The following GRIP1 variants were observed in gnomAD, a reference collection of about 807,000 sequenced individuals.
GRIP1 encodes glutamate receptor interacting protein 1.
GRIP1 carries 45 observed loss-of-function variants against 129.9 expected under a neutral mutation model. The ratio of observed to expected loss-of-function variants is 0.35; its 90% CI spans 0.27 to 0.44. The LOEUF is 0.44. Ranked by LOEUF, GRIP1 falls within the 20% of genes least tolerant of loss-of-function variation. The probability of loss-of-function intolerance (pLI) is 1.00; values close to 1 mark genes in which losing one functional copy is unlikely to be tolerated. For missense variants in GRIP1, 1,196 were observed against 1,396.8 expected (o/e 0.86, Z 2.29); for synonymous variants, 530 against 520.8 (o/e 1.02, Z -0.24).
At position 66,490,936 on chromosome 12, in the gene GRIP1, C is replaced by T. The variant is rs60436125; in HGVS notation, c.724+24683G>A. Among the ~76,000 whole-genome samples, 1,135 of 152,126 alleles carry T rather than the reference C, an allele frequency of 7.5e-3. 18 individuals are homozygous for T. Among genetic ancestry groups the T allele is most frequent in the African/African-American group, 0.026 (1,093 of 41,496 alleles). On this transcript the variant is annotated intron_variant, in intron 7 of 24. Coordinates refer to ENST00000359742, the MANE Select transcript of GRIP1 (RefSeq NM_001366722.1). Reference sequence around the variant, plus strand: ...TACCATCTCACACCAGTCAGAATGGCGATTATTAAAAAGTCAAGAAACAAC... The same window carrying T: ...TACCATCTCACACCAGTCAGAATGGTGATTATTAAAAAGTCAAGAAACAAC...
intron 1 of GRIP1, among the ~76,000 whole-genome samples, chr12:66,977,235 C>CT (rs574630760): frequency 2.7e-5 from 4 of 147,036 alleles, no homozygotes; most frequent in Non-Finnish European, 4.5e-5. Context: ...TTCTGCATTT[C>CT]TTTTTTTTCT....
chr12:66,903,059 ATAAC>A (rs1468437881), intron 1 of GRIP1, among the ~76,000 whole-genome samples: 2 of 152,190 alleles, frequency 1.3e-5, no homozygotes, highest in Non-Finnish European at 2.9e-5. Context: ...ATAGAATTAA[ATAAC>A]TAGTCAAATT....
chr12:67,024,759 A>G (rs2042916768), intron 1 of GRIP1, among the ~76,000 whole-genome samples: 1 of 150,682 alleles, frequency 6.6e-6, no homozygotes, highest in Admixed American at 6.7e-5. Context: ...ATTTTATTTA[A>G]TTCCTGGTAC....
At chr12:66,601,779 T>C (rs1296782538) in intron 1 of GRIP1, among the ~76,000 whole-genome samples, 2 of 152,204 alleles carry the variant, frequency 1.3e-5, no homozygotes, top group Non-Finnish European at 2.9e-5. Context: ...AAGAAAAGTC[T>C]GGTTTCCATT....
At chr12:66,715,452 A>ATGTGTG (rs36142878) in intron 1 of GRIP1, among the ~76,000 whole-genome samples, 11,261 of 71,706 alleles carry the variant, frequency 0.16, 1,097 homozygotes, top group Middle Eastern at 0.17. Flanking sequence ...TTGTAGCTTG[A>ATGTGTG]TGTGTGTGTG....
chr12:66,906,235 G>A (rs1233951817), intron 1 of GRIP1, among the ~76,000 whole-genome samples: 1 of 151,846 alleles, frequency 6.6e-6, no homozygotes, highest in South Asian at 2.1e-4. Flanking sequence ...ACCAGCCTGG[G>A]CAACATAGCA....
intron 1 of GRIP1, among the ~76,000 whole-genome samples, chr12:66,813,484 A>G (rs552036084): frequency 2.0e-5 from 3 of 152,334 alleles, no homozygotes; most frequent in East Asian, 3.9e-4. Context: ...ATACATCATC[A>G]AAGTAATTTC....
At chr12:66,883,030 T>A (rs780421504) in intron 1 of GRIP1, among the ~76,000 whole-genome samples, 1 of 152,098 alleles carries the variant, frequency 6.6e-6, no homozygotes, top group Non-Finnish European at 1.5e-5. Flanking sequence ...CCCCTCACAT[T>A]ACATCCATCT....
intron 13 of GRIP1, among the ~76,000 whole-genome samples, chr12:66,433,542 G>A (rs968329778): frequency 6.6e-6 from 1 of 152,304 alleles, no homozygotes; most frequent in South Asian, 2.1e-4. Flanking sequence ...GAATCTCAAC[G>A]CAGGACAGAG....
intron 1 of GRIP1, among the ~76,000 whole-genome samples, chr12:66,723,227 TCTCTCTCTCTCTC>T (rs765532844): frequency 0.47 from 35,321 of 75,592 alleles, 8,089 homozygotes; most frequent in Non-Finnish European, 0.48. Flanking sequence ...TCTTTCTTTC[TCTCTCTCTCTCTC>T]TTCCTTCCTT....
At chr12:66,745,563 T>C (rs543321977) in intron 1 of GRIP1, among the ~76,000 whole-genome samples, 2 of 152,154 alleles carry the variant, frequency 1.3e-5, no homozygotes, top group South Asian at 2.1e-4. Context: ...AAGACTACAA[T>C]AGAAGATAAA....
At chr12:67,033,926 C>T (rs2043058165) in intron 1 of GRIP1, among the ~76,000 whole-genome samples, 1 of 152,110 alleles carries the variant, frequency 6.6e-6, no homozygotes, top group African/African-American at 2.4e-5. Flanking sequence ...AGATAGAAAG[C>T]AACTTGGAGA....
chr12:66,529,958 C>CA (rs1565832238), intron 4 of GRIP1, 44 bp from the exon 5 acceptor site: 1 of 1,163,384 alleles, frequency 8.6e-7, no homozygotes, highest in Admixed American at 1.7e-5. Flanking sequence ...TGTAAGTCAT[C>CA]ATAACATTTC....
chr12:66,910,900 T>C (rs1300460206), intron 1 of GRIP1, among the ~76,000 whole-genome samples: 1 of 152,136 alleles, frequency 6.6e-6, no homozygotes, highest in African/African-American at 2.4e-5. Flanking sequence ...GATCTCCAGG[T>C]CAGACTTCAA....
chr12:66,545,214 C>A (rs1282271608), intron 2 of GRIP1, among the ~76,000 whole-genome samples: 3 of 152,136 alleles, frequency 2.0e-5, no homozygotes, highest in African/African-American at 7.2e-5. Flanking sequence ...CCATTACTTA[C>A]TCAACATAAC....
At chr12:66,828,407 C>T (rs2039456021) in intron 1 of GRIP1, among the ~76,000 whole-genome samples, 1 of 152,202 alleles carries the variant, frequency 6.6e-6, no homozygotes, top group Non-Finnish European at 1.5e-5. Context: ...TACTGCCATA[C>T]AGTACTTCAA....
chr12:66,527,353 A>G (rs1195933897), intron 5 of GRIP1, among the ~76,000 whole-genome samples: 1 of 152,158 alleles, frequency 6.6e-6, no homozygotes, highest in Non-Finnish European at 1.5e-5. Flanking sequence ...GCCATAAAAA[A>G]TGATGAGTTC....
intron 1 of GRIP1, among the ~76,000 whole-genome samples, chr12:66,985,677 A>G (rs1224215444): frequency 6.6e-6 from 1 of 152,198 alleles, no homozygotes; most frequent in African/African-American, 2.4e-5. Flanking sequence ...AAGTGGAAAA[A>G]TGAGCACTGC....
chr12:66,907,235 C>T (rs777629024), intron 1 of GRIP1, among the ~76,000 whole-genome samples: 18 of 152,042 alleles, frequency 1.2e-4, no homozygotes, highest in Admixed American at 3.9e-4. Flanking sequence ...GGGAGGAGAA[C>T]TTTAAAGAAA....
Sources: allele counts gnomAD v4.1 joint callset (sites outside exome capture counted in the v4.1 genomes callset), GRCh38; gene constraint gnomAD v4.1.1; transcripts MANE v1.5; gene names NCBI Gene and HGNC (gene_info 2026-07-23, HGNC 2026-07-21).